Variants in KLF12 observed in about 807,000 individuals in gnomAD.
KLF12 encodes Krueppel-like factor 12.
KLF12 carries 9 observed loss-of-function variants against 37.8 expected under a neutral mutation model. The observed-to-expected ratio is 0.24, with a 90% CI of 0.14 to 0.42. KLF12 has a LOEUF of 0.42. Among genes scored for constraint, KLF12 ranks in the 10% least tolerant of loss-of-function variants. The pLI is 1.00. For missense variants in KLF12, 411 were observed against 516.0 expected (o/e 0.80, Z 1.97); for synonymous variants, 208 against 202.1 (o/e 1.03, Z -0.25).
the KLF12 span, among the ~76,000 whole-genome samples, chr13:74,299,376 C>T: frequency 2.6e-5 from 4 of 152,164 alleles, no homozygotes; most frequent in African/African-American, 9.7e-5. Context: ...TGTCCTTTCA[C>T]CCTATATATG....
the KLF12 span, among the ~76,000 whole-genome samples, chr13:74,263,403 T>A: frequency 6.6e-6 from 1 of 152,200 alleles, no homozygotes; most frequent in South Asian, 2.1e-4. Context: ...TCTGACTCTA[T>A]GAATATATGC....
intron 1 of KLF12, among the ~76,000 whole-genome samples, chr13:74,084,017 C>G (rs1414799133): frequency 2.0e-5 from 3 of 152,050 alleles, no homozygotes; most frequent in Non-Finnish European, 4.4e-5. Context: ...TTTCTTATAG[C>G]ATAGAATCAT....
chr13:73,910,080 T>C (rs543785815), intron 3 of KLF12, among the ~76,000 whole-genome samples: 2 of 152,334 alleles, frequency 1.3e-5, no homozygotes, highest in South Asian at 2.1e-4. Flanking sequence ...AAGTTAAATG[T>C]ATAGCTGGAA....
rs140535860 is a variant in KLF12, at chr13:73,849,053, G to A, written c.124-2680C>T. ...GCAGGTAAAGTCATCCATAATTGCA[G>A]CTTCAGATTACACAGACATATCTGT... On this transcript the variant is annotated intron_variant, in intron 3 of 7. Transcript: ENST00000377669. 2.2e-3 allele frequency among the ~76,000 whole-genome samples: 335 copies of A among 152,176 alleles called. 2 individuals carry two copies. Among genetic ancestry groups the A allele is most frequent in the African/African-American group, 7.3e-3 (303 of 41,508 alleles).
chr13:74,050,643 T>C (rs978277500), intron 1 of KLF12, among the ~76,000 whole-genome samples: 15 of 152,034 alleles, frequency 9.9e-5, no homozygotes, highest in Admixed American at 5.9e-4. Flanking sequence ...ACAGAAAAAA[T>C]TACTGTTATT....
the KLF12 span, among the ~76,000 whole-genome samples, chr13:74,213,896 T>C: frequency 6.6e-6 from 1 of 152,150 alleles, no homozygotes; most frequent in Non-Finnish European, 1.5e-5. Context: ...TTACTATGTA[T>C]TTCTCTCTTA....
At chr13:74,071,487 C>G (rs1026240491) in intron 1 of KLF12, among the ~76,000 whole-genome samples, 1 of 151,386 alleles carries the variant, frequency 6.6e-6, no homozygotes, top group Non-Finnish European at 1.5e-5. Flanking sequence ...GAGATCGAGA[C>G]CATCCTGGCT....
chr13:73,857,718 A>C (rs1307259822), intron 3 of KLF12, among the ~76,000 whole-genome samples: 1 of 152,210 alleles, frequency 6.6e-6, no homozygotes, highest in Non-Finnish European at 1.5e-5. Flanking sequence ...ACATAAAAGC[A>C]ATCAAGTTTG....
rs553254046 is a variant in KLF12 at position 74,037,281 on chromosome 13, T to C, written c.-31-42228A>G. Reference sequence around the variant, plus strand: ...AAAGAAAAACATACAAAAGCACCTGTTTTTTCCCTTCTAGATCAGAAGTTT... The same window carrying C: ...AAAGAAAAACATACAAAAGCACCTGCTTTTTCCCTTCTAGATCAGAAGTTT... On this transcript the variant is annotated intron_variant, in intron 1 of 7. Transcript: ENST00000377669. Among the ~76,000 whole-genome samples the C allele has an allele frequency of 3.9e-5, 6 of 152,062 alleles. No homozygotes were observed. In the South Asian group the frequency reaches 1.2e-3, roughly 32 times the overall value.
intron 4 of KLF12, among the ~76,000 whole-genome samples, chr13:73,823,365 T>A (rs1053196359): frequency 1.3e-5 from 2 of 152,128 alleles, no homozygotes; most frequent in African/African-American, 4.8e-5. Flanking sequence ...GTAAATGATT[T>A]ACCACAGAAG....
chr13:73,810,843 G>C (rs1882888101), intron 5 of KLF12, among the ~76,000 whole-genome samples: 1 of 152,116 alleles, frequency 6.6e-6, no homozygotes, highest in African/African-American at 2.4e-5. Context: ...TGACCGTGGT[G>C]AGTCAGGGAT....
intron 1 of KLF12, among the ~76,000 whole-genome samples, chr13:74,060,143 G>T (rs1197676282): frequency 1.3e-5 from 2 of 152,236 alleles, no homozygotes; most frequent in East Asian, 3.9e-4. Context: ...CCAGTACCAT[G>T]ATGTTTTAGT....
At chr13:74,186,437 C>T in the KLF12 span, among the ~76,000 whole-genome samples, 1 of 152,036 alleles carries the variant, frequency 6.6e-6, no homozygotes, top group Non-Finnish European at 1.5e-5. Context: ...AGAGTCCTCC[C>T]CAAAAGACCA....
chr13:73,915,361 T>C (rs904147864), intron 3 of KLF12, among the ~76,000 whole-genome samples: 12 of 152,312 alleles, frequency 7.9e-5, no homozygotes, highest in Admixed American at 5.9e-4. Flanking sequence ...TGGATATCTT[T>C]AGAGGTCACT....
chr13:74,261,429 A>G, the KLF12 span, among the ~76,000 whole-genome samples: 2 of 152,212 alleles, frequency 1.3e-5, no homozygotes, highest in African/African-American at 2.4e-5. Context: ...CTTCGGTGGA[A>G]GCATTAGATG....
At chr13:73,826,868 ATCTC>A (rs1371958352) in intron 4 of KLF12, among the ~76,000 whole-genome samples, 1 of 152,030 alleles carries the variant, frequency 6.6e-6, no homozygotes, top group African/African-American at 2.4e-5. Flanking sequence ...TGTAGACTTG[ATCTC>A]CCAGGCTTAA....
intron 2 of KLF12, among the ~76,000 whole-genome samples, chr13:73,975,804 G>A (rs185564816): frequency 6.2e-4 from 94 of 152,102 alleles, no homozygotes; most frequent in Admixed American, 2.6e-3. Flanking sequence ...ACCCTCCTTT[G>A]GCTTACCTCT....
intron 2 of KLF12, among the ~76,000 whole-genome samples, chr13:73,951,505 T>A (rs918764772): frequency 6.6e-6 from 1 of 152,172 alleles, no homozygotes; most frequent in Non-Finnish European, 1.5e-5. Flanking sequence ...ACAGGGTACT[T>A]TGGCACTGCT....
upstream of KLF12, among the ~76,000 whole-genome samples, chr13:74,137,483 G>A (rs769629298): frequency 7.2e-5 from 11 of 152,188 alleles, no homozygotes; most frequent in South Asian, 2.1e-3. Flanking sequence ...AGAAGATAAA[G>A]TTGGGTATTC....
Sources: gnomAD v4.1 joint callset for allele counts (sites outside exome capture counted in the v4.1 genomes callset) on GRCh38, gnomAD v4.1.1 for gene constraint, MANE v1.5 for transcripts, NCBI Gene and HGNC (gene_info 2026-07-23, HGNC 2026-07-21) for gene names.